The following CYP2C19 variants were observed in gnomAD, a reference collection of about 807,000 sequenced individuals.
The protein encoded by CYP2C19 is cytochrome P450 family 2 subfamily C member 19.
In CYP2C19, 59 loss-of-function variants were observed where a neutral mutation model predicts 40.9. The observed-to-expected ratio is 1.44, with a 90% CI of 1.17 to 1.79. CYP2C19 has a LOEUF of 1.79. CYP2C19 is among the 40% of genes most tolerant of loss of function. The probability of loss-of-function intolerance (pLI) is 0.00; values close to 1 mark genes in which losing one functional copy is unlikely to be tolerated. For missense variants in CYP2C19, 754 were observed against 596.9 expected, an observed-to-expected ratio of 1.26 and a Z score of -2.74; for synonymous variants, 253 against 208.7, an observed-to-expected ratio of 1.21 and a Z score of -1.83.
At chr10:94,835,030 T>A (rs1278096614) in intron 6 of CYP2C19, among the ~76,000 whole-genome samples, 3 of 152,164 alleles carry the variant, frequency 2.0e-5, no homozygotes, top group Non-Finnish European at 4.4e-5. Flanking sequence ...TTCAATGTCA[T>A]TAACATTGGA....
intron 6 of CYP2C19, among the ~76,000 whole-genome samples, chr10:94,838,608 A>G (rs951193142): frequency 2.3e-4 from 35 of 151,990 alleles, no homozygotes; most frequent in Admixed American, 3.9e-4. Context: ...TCTTTGGTTC[A>G]TTATTTACCC....
At chr10:94,790,914 A>G (rs1002768217) in intron 5 of CYP2C19, among the ~76,000 whole-genome samples, 2 of 151,988 alleles carry the variant, frequency 1.3e-5, no homozygotes, top group African/African-American at 2.4e-5. Flanking sequence ...CTCTTTTTCT[A>G]TTGATTGGAA....
chr10:94,830,398 G>A (rs1328505196), intron 6 of CYP2C19, among the ~76,000 whole-genome samples: 1 of 152,200 alleles, frequency 6.6e-6, no homozygotes, highest in South Asian at 2.1e-4. Flanking sequence ...GCAGTATTCG[G>A]GTGGGAGTGA....
At chr10:94,783,434 T>C (rs1019042216) in intron 5 of CYP2C19, among the ~76,000 whole-genome samples, 3 of 152,100 alleles carry the variant, frequency 2.0e-5, no homozygotes, top group African/African-American at 4.8e-5. Flanking sequence ...GAAGGCTTCA[T>C]TGAGTGTAAA....
At chr10:94,816,437 G>T (rs1219808131) in intron 5 of CYP2C19, among the ~76,000 whole-genome samples, 1 of 151,778 alleles carries the variant, frequency 6.6e-6, no homozygotes, top group Non-Finnish European at 1.5e-5. Flanking sequence ...AAATATAAGT[G>T]GTAACAGATT....
Position 94,854,824 on chromosome 10 carries a change from G to A in CYP2C19, c.*1910G>A, listed in dbSNP as rs148074406. Reference sequence around the variant, plus strand: ...AACCTCTAAGGTGATAGAAACATAGGCAAATAATTCAGAGAGTTAATAGAA... The same window carrying A: ...AACCTCTAAGGTGATAGAAACATAGACAAATAATTCAGAGAGTTAATAGAA... On this transcript the variant is annotated 3_prime_UTR_variant, in exon 9 of 9. Coordinates refer to ENST00000371321, the MANE Select transcript of CYP2C19 (RefSeq NM_000769.4). Among the ~76,000 whole-genome samples, 1 of 152,184 alleles carries A rather than the reference G, an allele frequency of 6.6e-6. No individual in the cohort carries two copies. Among genetic ancestry groups the A allele is most frequent in the Non-Finnish European group, 1.5e-5 (1 of 68,010 alleles).
At chr10:94,802,499 C>T (rs1848780744) in intron 5 of CYP2C19, among the ~76,000 whole-genome samples, 1 of 152,046 alleles carries the variant, frequency 6.6e-6, no homozygotes, top group Non-Finnish European at 1.5e-5. Flanking sequence ...GATGGGTCTC[C>T]TGAATACAGC....
intron 5 of CYP2C19, among the ~76,000 whole-genome samples, chr10:94,803,542 G>T (rs1848794631): frequency 6.6e-6 from 1 of 152,182 alleles, no homozygotes; most frequent in African/African-American, 2.4e-5. Context: ...AGCCCCAGGG[G>T]AATCAAGATG....
chr10:94,769,436 G>A (rs1466424699), intron 1 of CYP2C19, among the ~76,000 whole-genome samples: 1 of 152,160 alleles, frequency 6.6e-6, no homozygotes, highest in Admixed American at 6.5e-5. Flanking sequence ...CAGAGTGCAG[G>A]GGAATACAGA....
intron 6 of CYP2C19, among the ~76,000 whole-genome samples, chr10:94,837,962 C>G (rs1047754136): frequency 2.0e-5 from 3 of 152,188 alleles, no homozygotes; most frequent in Non-Finnish European, 1.5e-5. Context: ...TCCTTGTAGA[C>G]TGCACTGGAA....
intron 7 of CYP2C19, among the ~76,000 whole-genome samples, chr10:94,847,878 T>A (rs965434557): frequency 6.6e-6 from 1 of 152,242 alleles, no homozygotes; most frequent in East Asian, 1.9e-4. Flanking sequence ...ATGTCTTCTT[T>A]TCAGAAGTGT....
intron 5 of CYP2C19, among the ~76,000 whole-genome samples, chr10:94,792,101 C>A (rs1018780270): frequency 6.6e-6 from 1 of 151,932 alleles, no homozygotes; most frequent in Non-Finnish European, 1.5e-5. Flanking sequence ...TGAATTGATC[C>A]CTTTACCATT....
intron 6 of CYP2C19, among the ~76,000 whole-genome samples, chr10:94,828,262 G>A (rs1195046428): frequency 1.3e-5 from 2 of 150,980 alleles, no homozygotes; most frequent in African/African-American, 4.9e-5. Flanking sequence ...TGACAGTGGG[G>A]TGTTAAAGTC....
intron 5 of CYP2C19, among the ~76,000 whole-genome samples, chr10:94,791,003 T>A (rs1172687071): frequency 6.6e-6 from 1 of 152,122 alleles, no homozygotes; most frequent in East Asian, 1.9e-4. Context: ...GTTCTGGACT[T>A]TTTTTGGTTG....
chr10:94,790,796 T>A (rs1223611046), intron 5 of CYP2C19, among the ~76,000 whole-genome samples: 1 of 152,184 alleles, frequency 6.6e-6, no homozygotes, highest in East Asian at 1.9e-4. Flanking sequence ...GATTTTTGCA[T>A]CGATGTTCAT....
chr10:94,798,271 G>A (rs1459569412), intron 5 of CYP2C19, among the ~76,000 whole-genome samples: 1 of 152,114 alleles, frequency 6.6e-6, no homozygotes, highest in African/African-American at 2.4e-5. Flanking sequence ...TCAGGAGCAG[G>A]TTGTTCAGTT....
intron 5 of CYP2C19, among the ~76,000 whole-genome samples, chr10:94,815,903 G>A (rs1049206276): frequency 5.3e-5 from 8 of 152,162 alleles, no homozygotes; most frequent in African/African-American, 1.2e-4. Flanking sequence ...GAAGATAATT[G>A]CAGACTCTTG....
chr10:94,791,788 A>G lies in CYP2C19; in HGVS notation c.819+9791A>G, dbSNP rs182695406. ...GCTGAGGAGTGCTTTACTTCCAGCT[A>G]TGTGGTCAATTTTGGAATAAGTGCA... On this transcript the variant is annotated intron_variant, in intron 5 of 8. Coordinates refer to ENST00000371321, the MANE Select transcript of CYP2C19 (RefSeq NM_000769.4). Among the ~76,000 whole-genome samples, 287 of 152,218 alleles carry G rather than the reference A, an allele frequency of 1.9e-3. 1 individual carries two copies. The highest frequency in any genetic ancestry group is 6.5e-3 in the African/African-American group (271 of 41,560).
chr10:94,793,673 C>T (rs1046494525), intron 5 of CYP2C19, among the ~76,000 whole-genome samples: 1 of 152,068 alleles, frequency 6.6e-6, no homozygotes, highest in African/African-American at 2.4e-5. Context: ...TGCAGAACAG[C>T]AAATATTGCA....
Sources: gnomAD v4.1 joint callset for allele counts (sites outside exome capture counted in the v4.1 genomes callset) on GRCh38, gnomAD v4.1.1 for gene constraint, MANE v1.5 for transcripts, NCBI Gene and HGNC (gene_info 2026-07-23, HGNC 2026-07-21) for gene names.